Variants in NAA15 observed in about 807,000 individuals in gnomAD.
NAA15 encodes the protein N-alpha-acetyltransferase 15, NatA auxiliary subunit, also known as N-terminal acetyltransferase.
Under a neutral mutation model 114.0 loss-of-function variants are expected in NAA15, and 34 were observed. The observed-to-expected ratio is 0.30, with a 90% CI of 0.23 to 0.40. The LOEUF is 0.40. NAA15 is among the 10% of genes least tolerant of loss of function. The probability of loss-of-function intolerance (pLI) is 1.00; values close to 1 mark genes in which losing one functional copy is unlikely to be tolerated. For synonymous variants in NAA15, 340 were observed against 338.0 expected (o/e 1.01, Z -0.06); for missense variants, 658 against 1,004.5 (o/e 0.66, Z 4.66).
intron 1 of NAA15, among the ~76,000 whole-genome samples, chr4:139,314,984 C>CGTTCA (rs200195608): frequency 0.033 from 2,806 of 84,114 alleles, 106 homozygotes; most frequent in Middle Eastern, 0.063. Context: ...CCTAGAGAAG[C>CGTTCA]GTTCAGTTCA....
intron 15 of NAA15, among the ~76,000 whole-genome samples, chr4:139,375,826 G>T (rs1438551151): frequency 6.7e-6 from 1 of 148,986 alleles, no homozygotes; most frequent in Non-Finnish European, 1.5e-5. Flanking sequence ...TAGGAACACA[G>T]TTCTATAAAT....
intron 1 of NAA15, 177 bp downstream of exon 1, chr4:139,302,008 C>A: frequency 1.7e-6 from 1 of 594,882 alleles, no homozygotes; most frequent in Non-Finnish European, 2.7e-6. Flanking sequence ...CTATGGCCCG[C>A]GCGCCAGGGA....
At chr4:139,362,324 A>G (rs1470456639) in intron 14 of NAA15, among the ~76,000 whole-genome samples, 1 of 152,178 alleles carries the variant, frequency 6.6e-6, no homozygotes, top group South Asian at 2.1e-4. Flanking sequence ...TCTGTTTCCC[A>G]TGCTGGAGTG....
chr4:139,304,662 AAT>A (rs1745947538), intron 1 of NAA15, among the ~76,000 whole-genome samples: 1 of 152,200 alleles, frequency 6.6e-6, no homozygotes, highest in African/African-American at 2.4e-5. Flanking sequence ...TATTTTTAAA[AAT>A]AGTTTTTACC....
At chr4:139,333,844 G>A (rs1467640501) in intron 1 of NAA15, among the ~76,000 whole-genome samples, 1 of 152,100 alleles carries the variant, frequency 6.6e-6, no homozygotes, top group Non-Finnish European at 1.5e-5. Context: ...TGGTCGCTGT[G>A]AGCTGTCATC....
chr4:139,378,916 T>A, intron 17 of NAA15, 62 bp downstream of exon 17: 2 of 1,030,014 alleles, frequency 1.9e-6, no homozygotes, highest in Non-Finnish European at 2.9e-6. Flanking sequence ...ACGGTATAAG[T>A]GGTCTGTACA....
At chr4:139,333,669 C>G (rs2110894637) in intron 1 of NAA15, among the ~76,000 whole-genome samples, 1 of 152,188 alleles carries the variant, frequency 6.6e-6, no homozygotes, top group African/African-American at 2.4e-5. Flanking sequence ...TTGAGTGAGT[C>G]CTGAGATCGC....
intron 19 of NAA15, among the ~76,000 whole-genome samples, chr4:139,386,719 G>T (rs1748918339): frequency 6.6e-6 from 1 of 152,004 alleles, no homozygotes; most frequent in Non-Finnish European, 1.5e-5. Flanking sequence ...CTACTTGGGG[G>T]ACTGAGATAT....
chr4:139,340,645 G>A (rs1259905418), intron 3 of NAA15, among the ~76,000 whole-genome samples: 2 of 152,128 alleles, frequency 1.3e-5, no homozygotes, highest in Admixed American at 6.6e-5. Context: ...TTACATTTTA[G>A]TAATGAGGAA....
chr4:139,343,969 G>A (rs1219748852), intron 5 of NAA15, among the ~76,000 whole-genome samples: 1 of 152,124 alleles, frequency 6.6e-6, no homozygotes, highest in Non-Finnish European at 1.5e-5. Context: ...TTTATTGTGT[G>A]TAAGGACTTA....
intron 15 of NAA15, among the ~76,000 whole-genome samples, chr4:139,373,616 T>G (rs1748501801): frequency 1.3e-5 from 2 of 152,112 alleles, no homozygotes. Context: ...CATGAGGCAT[T>G]AGTTGGTATT....
intron 7 of NAA15, among the ~76,000 whole-genome samples, chr4:139,350,956 G>A (rs1035380280): frequency 6.6e-6 from 1 of 152,038 alleles, no homozygotes; most frequent in African/African-American, 2.4e-5. Context: ...AAGTTCTCAG[G>A]TTTTAAAAGC....
chr4:139,379,873 G>A (rs1327517912), intron 17 of NAA15, among the ~76,000 whole-genome samples: 2 of 152,088 alleles, frequency 1.3e-5, no homozygotes, highest in African/African-American at 2.4e-5. Context: ...GCGAACCCCC[G>A]TCTCTACCAA....
intron 1 of NAA15, among the ~76,000 whole-genome samples, chr4:139,307,776 T>C (rs1394284019): frequency 6.6e-6 from 1 of 152,140 alleles, no homozygotes; most frequent in Non-Finnish European, 1.5e-5. Flanking sequence ...GAGATTAAGG[T>C]CAACAGCTAG....
intron 3 of NAA15, among the ~76,000 whole-genome samples, chr4:139,339,945 A>AT: frequency 6.6e-6 from 1 of 152,252 alleles, no homozygotes. Flanking sequence ...ACCTACTTTA[A>AT]TTTTGCTTAT....
intron 1 of NAA15, among the ~76,000 whole-genome samples, chr4:139,312,738 T>C (rs1412589731): frequency 6.6e-6 from 1 of 151,702 alleles, no homozygotes; most frequent in Non-Finnish European, 1.5e-5. Flanking sequence ...TCCTAGCTAC[T>C]TGGGAGGCTG....
At chr4:139,344,837 G>A (rs1355477613) in intron 6 of NAA15, among the ~76,000 whole-genome samples, 1 of 152,180 alleles carries the variant, frequency 6.6e-6, no homozygotes, top group African/African-American at 2.4e-5. Flanking sequence ...AAGAATATGA[G>A]TTCTGGAAGA....
intron 1 of NAA15, among the ~76,000 whole-genome samples, chr4:139,333,154 G>GT (rs35845314): frequency 7.7e-4 from 115 of 149,634 alleles, no homozygotes; most frequent in African/African-American, 2.1e-3. Flanking sequence ...TATAGATGCA[G>GT]TTTTTTTTTT....
chr4:139,376,173 G>C (rs1415069133), intron 15 of NAA15, among the ~76,000 whole-genome samples, 192 bp from the exon 16 acceptor site: 1 of 151,906 alleles, frequency 6.6e-6, no homozygotes, highest in African/African-American at 2.4e-5. Context: ...AGTATCTAGG[G>C]TTAAAAATCA....
Sources: allele counts gnomAD v4.1 joint callset (sites outside exome capture counted in the v4.1 genomes callset), GRCh38; gene constraint gnomAD v4.1.1; transcripts MANE v1.5; gene names NCBI Gene and HGNC (gene_info 2026-07-23, HGNC 2026-07-21).